ZMYND8: variants seen among roughly 807,000 people sequenced by gnomAD.
The protein encoded by ZMYND8 is zinc finger MYND-type containing 8.
Under a neutral mutation model 140.8 loss-of-function variants are expected in ZMYND8, and 37 were observed. The observed-to-expected ratio is 0.26, with a 90% CI of 0.20 to 0.35. The LOEUF (loss-of-function observed/expected upper bound fraction) is 0.35. ZMYND8 is among the 10% of genes least tolerant of loss of function. ZMYND8 has a pLI of 1.00. For synonymous variants in ZMYND8, 592 were observed against 597.1 expected, an observed-to-expected ratio of 0.99 and a Z score of 0.12; for missense variants, 1,068 against 1,570.0, an observed-to-expected ratio of 0.68 and a Z score of 5.40.
Position 47,220,256 on chromosome 20 carries a change from AC to A in ZMYND8, c.3484+1del. On this transcript the variant is annotated splice_donor_variant, in intron 21 of 22. Transcript: ENST00000471951. LOFTEE classifies it high-confidence loss of function. Reference sequence around the variant, plus strand: ...CCGTTCGCCCACCAGGGGGCAACATACCAGAGCCTTGGTTGGAGCCTAAGAG... The same window carrying A: ...CCGTTCGCCCACCAGGGGGCAACATACAGAGCCTTGGTTGGAGCCTAAGAG... 6.4e-7 allele frequency: 1 copy of A among 1,560,298 alleles called. No homozygotes were observed. Among genetic ancestry groups the A allele is most frequent in the Non-Finnish European group, 8.7e-7 (1 of 1,151,286 alleles).
chr20:47,318,884 C>T (rs1021314471), intron 2 of ZMYND8: 1 of 1,225,288 alleles, frequency 8.2e-7, no homozygotes, highest in African/African-American at 1.5e-5. Context: ...GGCATTTCAC[C>T]AGGAACATCA....
chr20:47,286,371 G>A (rs1460906204), intron 8 of ZMYND8, among the ~76,000 whole-genome samples: 1 of 151,896 alleles, frequency 6.6e-6, no homozygotes, highest in Non-Finnish European at 1.5e-5. Context: ...TGGAGACGGG[G>A]TTTTGCCATG....
At position 47,338,967 on chromosome 20, in the gene ZMYND8, ATTTC is replaced by A. The variant is rs1164579799; in HGVS notation, c.85+8885_85+8888del. On this transcript the variant is annotated intron_variant, in intron 2 of 22. Transcript: ENST00000471951. ...GCCTGCTGGGCAACCCTACACAATT[ATTTC>A]TTTTTTTTTTTTTTTTTGTGAGACA... 9.2e-5 allele frequency among the ~76,000 whole-genome samples: 13 copies of A among 142,024 alleles called. No individual in the cohort carries two copies. The East Asian group carries it at 2.1e-3, about 23-fold the overall frequency. 93.2% of individuals were successfully genotyped at this position (142,024 alleles called of 152,430 possible).
chr20:47,222,570 G>A (rs2146950615), intron 19 of ZMYND8, among the ~76,000 whole-genome samples: 1 of 152,226 alleles, frequency 6.6e-6, no homozygotes, highest in African/African-American at 2.4e-5. Flanking sequence ...AACGCGTCTG[G>A]GAGGAATTTA....
At chr20:47,213,954 A>G (rs2035674735) in intron 21 of ZMYND8, among the ~76,000 whole-genome samples, 1 of 152,164 alleles carries the variant, frequency 6.6e-6, no homozygotes, top group African/African-American at 2.4e-5. Flanking sequence ...ATTCTCTGCA[A>G]CTCTATGCAT....
chr20:47,250,984 C>T (rs961370715), intron 12 of ZMYND8, among the ~76,000 whole-genome samples: 4 of 151,356 alleles, frequency 2.6e-5, no homozygotes, highest in Non-Finnish European at 4.4e-5. Flanking sequence ...GCTATGATCA[C>T]GCCACTGCAC....
intron 11 of ZMYND8, among the ~76,000 whole-genome samples, chr20:47,266,197 C>T (rs1003323741): frequency 1.3e-5 from 2 of 151,718 alleles, no homozygotes; most frequent in African/African-American, 4.8e-5. Flanking sequence ...CTGCCTTGTC[C>T]TCCCAATATC....
chr20:47,250,465 G>A (rs1403549964), intron 12 of ZMYND8, among the ~76,000 whole-genome samples: 1 of 152,144 alleles, frequency 6.6e-6, no homozygotes, highest in Non-Finnish European at 1.5e-5. Flanking sequence ...AAAGCAGGTG[G>A]AATCCAATCA....
intron 20 of ZMYND8, among the ~76,000 whole-genome samples, 196 bp downstream of exon 20, chr20:47,221,118 G>C (rs549060518): frequency 2.0e-5 from 3 of 152,258 alleles, no homozygotes; most frequent in Admixed American, 6.5e-5. Flanking sequence ...CCAGCAGAGA[G>C]TACTGGGGAG....
intron 16 of ZMYND8, among the ~76,000 whole-genome samples, chr20:47,231,971 C>G (rs889632610): frequency 3.3e-5 from 5 of 152,252 alleles, no homozygotes; most frequent in African/African-American, 4.8e-5. Context: ...ACACACAGAA[C>G]TGCGTCTTCC....
chr20:47,313,468 A>AAC (rs2079117108), intron 2 of ZMYND8, among the ~76,000 whole-genome samples: 1 of 151,528 alleles, frequency 6.6e-6, no homozygotes, highest in South Asian at 2.1e-4. Context: ...CAAAAATACA[A>AAC]AAAATTAGCC....
chr20:47,319,029 A>G, intron 2 of ZMYND8: 2 of 1,351,156 alleles, frequency 1.5e-6, no homozygotes, highest in Non-Finnish European at 2.0e-6. Context: ...CCCACAGCAG[A>G]CATTCCTGCT....
intron 2 of ZMYND8, among the ~76,000 whole-genome samples, chr20:47,331,061 GGAGAGAAGTGGAACACA>G (rs1477786242): frequency 2.0e-5 from 3 of 152,110 alleles, no homozygotes; most frequent in East Asian, 3.9e-4. Context: ...AGTGGAACAC[GGAGAGAAGTGGAACACA>G]GAGAGAACGG....
At chr20:47,258,908 G>C (rs1342805067) in intron 12 of ZMYND8, among the ~76,000 whole-genome samples, 3 of 152,038 alleles carry the variant, frequency 2.0e-5, no homozygotes, top group Admixed American at 2.0e-4. Context: ...CATTCCCAAT[G>C]CTCTTGTTCC....
At chr20:47,305,883 G>C (rs2078442784) in intron 3 of ZMYND8, among the ~76,000 whole-genome samples, 1 of 152,176 alleles carries the variant, frequency 6.6e-6, no homozygotes, top group Non-Finnish European at 1.5e-5. Context: ...TAAAGACCCT[G>C]ACGTCATTTG....
intron 1 of ZMYND8, chr20:47,351,705 C>T (rs1232484641): frequency 1.0e-6 from 1 of 985,264 alleles, no homozygotes; most frequent in African/African-American, 1.7e-5. Flanking sequence ...TATATAAGCA[C>T]TCACCTAAAA....
intron 1 of ZMYND8, chr20:47,356,360 AAG>A: frequency 6.7e-7 from 1 of 1,493,930 alleles, no homozygotes; most frequent in Non-Finnish European, 8.9e-7. Flanking sequence ...GGAAAAAAAA[AAG>A]CTTCTTTTTT....
chr20:47,319,082 CAA>C (rs1490934636), intron 2 of ZMYND8: 2 of 1,316,548 alleles, frequency 1.5e-6, no homozygotes, highest in East Asian at 4.8e-5. Context: ...GAGGAAGAAG[CAA>C]AGAGAACAGG....
At chr20:47,231,515 G>C (rs547855987) in intron 16 of ZMYND8, among the ~76,000 whole-genome samples, 1 of 152,306 alleles carries the variant, frequency 6.6e-6, no homozygotes, top group African/African-American at 2.4e-5. Context: ...TGTTCATAAA[G>C]AAATACCCAT....
Sources: allele counts gnomAD v4.1 joint callset (sites outside exome capture counted in the v4.1 genomes callset), GRCh38; gene constraint gnomAD v4.1.1; transcripts MANE v1.5; gene names NCBI Gene and HGNC (gene_info 2026-07-23, HGNC 2026-07-21).